Variants in PSD3 observed in about 807,000 individuals in gnomAD.
PSD3 encodes pleckstrin and Sec7 domain containing 3.
Under a neutral mutation model 105.5 loss-of-function variants are expected in PSD3, and 49 were observed. That is an observed-to-expected ratio of 0.46 (90% CI 0.37 to 0.59). The LOEUF (loss-of-function observed/expected upper bound fraction) is 0.59. Among genes scored for constraint, PSD3 ranks in the 20% least tolerant of loss-of-function variants. The probability of loss-of-function intolerance (pLI) is 0.00; values close to 1 mark genes in which losing one functional copy is unlikely to be tolerated. For synonymous variants in PSD3, 557 were observed against 457.8 expected (o/e 1.22, Z -2.77); for missense variants, 1,561 against 1,263.8 (o/e 1.24, Z -3.57).
At chr8:18,666,923 C>A (rs1010516534) in intron 9 of PSD3, among the ~76,000 whole-genome samples, 2 of 152,080 alleles carry the variant, frequency 1.3e-5, no homozygotes, top group Non-Finnish European at 1.5e-5. Context: ...ACTTCCCTCG[C>A]GGTCAGTGTT....
At chr8:18,804,143 T>C (rs1810982757) in intron 6 of PSD3, among the ~76,000 whole-genome samples, 1 of 152,168 alleles carries the variant, frequency 6.6e-6, no homozygotes. Context: ...TAATACAATT[T>C]GAGCTAAGTT....
intron 8 of PSD3, among the ~76,000 whole-genome samples, chr8:18,788,556 T>A (rs1021392408): frequency 7.9e-5 from 12 of 152,188 alleles, no homozygotes; most frequent in Admixed American, 2.0e-4. Flanking sequence ...ATACTCTGAT[T>A]CAGAGGTTGA....
At chr8:18,728,176 C>T (rs1164889577) in intron 9 of PSD3, among the ~76,000 whole-genome samples, 2 of 152,150 alleles carry the variant, frequency 1.3e-5, no homozygotes, top group Non-Finnish European at 2.9e-5. Context: ...TCAGCCTTCA[C>T]TGATTTCTCT....
chr8:18,776,280 AAT>A (rs938057425), intron 8 of PSD3, among the ~76,000 whole-genome samples: 3 of 142,136 alleles, frequency 2.1e-5, no homozygotes, highest in Admixed American at 6.9e-5. Flanking sequence ...ATAATGTATA[AAT>A]ATATATATAA....
chr8:18,802,869 C>A (rs1267448455), intron 6 of PSD3, among the ~76,000 whole-genome samples: 1 of 152,152 alleles, frequency 6.6e-6, no homozygotes, highest in Non-Finnish European at 1.5e-5. Context: ...GTTTTAGACA[C>A]CTTCATTTGA....
chr8:18,813,738 G>C (rs1009273663), intron 4 of PSD3, among the ~76,000 whole-genome samples: 1 of 152,128 alleles, frequency 6.6e-6, no homozygotes, highest in Non-Finnish European at 1.5e-5. Context: ...ACCTTAGGTA[G>C]GTAAGGTCAT....
chr8:19,062,503 C>G (rs78283092), intron 1 of PSD3, among the ~76,000 whole-genome samples: 1 of 151,350 alleles, frequency 6.6e-6, no homozygotes, highest in African/African-American at 2.4e-5. Context: ...GTTAACTCCA[C>G]GACAGACCAT....
chr8:19,029,248 G>C (rs1827673314), intron 1 of PSD3, among the ~76,000 whole-genome samples: 1 of 152,254 alleles, frequency 6.6e-6, no homozygotes, highest in African/African-American at 2.4e-5. Context: ...TCAGCTTGGA[G>C]GGAATTGAAA....
chr8:18,614,765 A>T (rs1451839829), intron 11 of PSD3, among the ~76,000 whole-genome samples: 1 of 151,740 alleles, frequency 6.6e-6, no homozygotes, highest in Non-Finnish European at 1.5e-5. Flanking sequence ...AGAAGCTGGG[A>T]CTACAGGTGT....
chr8:18,667,164 C>T (rs1302800240), intron 9 of PSD3, among the ~76,000 whole-genome samples: 12 of 152,154 alleles, frequency 7.9e-5, no homozygotes, highest in Admixed American at 7.9e-4. Flanking sequence ...ATTCTCTTAT[C>T]TGGCCCCACC....
At chr8:18,944,230 G>C (rs536828104) in intron 1 of PSD3, among the ~76,000 whole-genome samples, 1 of 152,214 alleles carries the variant, frequency 6.6e-6, no homozygotes, top group East Asian at 1.9e-4. Flanking sequence ...CATTCACTTT[G>C]ATCTGCCAGG....
intron 4 of PSD3, among the ~76,000 whole-genome samples, chr8:18,836,650 A>T (rs1226038687): frequency 6.6e-6 from 1 of 152,196 alleles, no homozygotes; most frequent in African/African-American, 2.4e-5. Context: ...CCAGACCTTT[A>T]TATAAAATGG....
Position 19,034,509 on chromosome 8 carries a change from C to T in PSD3, c.324+49697G>A, listed in dbSNP as rs188680454. On this transcript the variant is annotated intron_variant, in intron 1 of 1. Transcript: ENST00000521475. ...ACTGCCTTGCAAAGCAGTAATTCTA[C>T]ATTTAACATCCTTTTAAAGACAAAT... is the stretch of plus-strand genomic sequence containing the variant. Among the ~76,000 whole-genome samples the T allele has an allele frequency of 2.5e-3, 382 of 152,288 alleles. 1 individual carries two copies. Among genetic ancestry groups the T allele is most frequent in the African/African-American group, 9.0e-3 (375 of 41,542 alleles).
chr8:18,688,265 T>TTTGC (rs1320955277), intron 9 of PSD3, among the ~76,000 whole-genome samples: 1 of 151,904 alleles, frequency 6.6e-6, no homozygotes, highest in East Asian at 1.9e-4. Context: ...TGTTTGTTTG[T>TTTGC]TTGTTTGTTT....
chr8:18,854,106 GCAAA>G (rs1394474110), intron 4 of PSD3: 1 of 152,200 alleles, frequency 6.6e-6, no homozygotes, highest in East Asian at 1.9e-4. Context: ...ACCTTCGTCA[GCAAA>G]CAGTCTGCCC....
rs1462528654 is a variant in PSD3, at chr8:18,527,993, A to G, written c.*7750T>C. On this transcript the variant is annotated 3_prime_UTR_variant, in exon 16 of 16. Coordinates refer to ENST00000327040, the MANE Select transcript of PSD3 (RefSeq NM_015310.4). ...GGTAAAGAAATGTTCCACAATGCCAATTAGTTTGAGCCACAGTGAATATAA... is the reference window on the plus strand; with the variant it reads ...GGTAAAGAAATGTTCCACAATGCCAGTTAGTTTGAGCCACAGTGAATATAA... 1 of 152,232 alleles carries G rather than the reference A, an allele frequency of 6.6e-6. No homozygotes were observed. Among genetic ancestry groups the G allele is most frequent in the African/African-American group, 2.4e-5 (1 of 41,460 alleles). The allele number at this position is 152,232 out of a possible 1,614,324, so 9.4% of individuals were successfully genotyped here. A position where few individuals can be genotyped will look rare whatever the true frequency, so the allele number is the denominator to read the frequency against.
chr8:18,637,240 ACT>A (rs1807321816), intron 10 of PSD3, among the ~76,000 whole-genome samples: 1 of 151,770 alleles, frequency 6.6e-6, no homozygotes, highest in Non-Finnish European at 1.5e-5. Context: ...TTTTTTTCTC[ACT>A]CTCATCACAA....
intron 4 of PSD3, among the ~76,000 whole-genome samples, chr8:18,866,170 G>C (rs1226499136): frequency 6.6e-6 from 1 of 152,188 alleles, no homozygotes; most frequent in Non-Finnish European, 1.5e-5. Context: ...CTTTCCTACA[G>C]CGTTTTATCA....
At chr8:18,834,089 A>C (rs910138621) in intron 4 of PSD3, among the ~76,000 whole-genome samples, 1 of 152,248 alleles carries the variant, frequency 6.6e-6, no homozygotes, top group Admixed American at 6.5e-5. Context: ...TCCTGCAATA[A>C]ACATTGTAAA....
Sources: allele counts gnomAD v4.1 joint callset (sites outside exome capture counted in the v4.1 genomes callset), GRCh38; gene constraint gnomAD v4.1.1; transcripts MANE v1.5; gene names NCBI Gene and HGNC (gene_info 2026-07-23, HGNC 2026-07-21).